The following PLXDC1 variants were observed in gnomAD, a reference collection of about 807,000 sequenced individuals.
PLXDC1 encodes the protein plexin domain-containing protein 1.
A neutral mutation model predicts 61.3 loss-of-function variants in PLXDC1; 39 were observed. That is an observed-to-expected ratio of 0.64 (90% CI 0.49 to 0.83). The LOEUF (loss-of-function observed/expected upper bound fraction) is 0.83. Among genes scored for constraint, PLXDC1 ranks in the 40% least tolerant of loss-of-function variants. The pLI, the probability that PLXDC1 is intolerant of heterozygous loss-of-function variation, is 0.00. For missense variants in PLXDC1, 596 were observed against 666.5 expected (o/e 0.89, Z 1.17); for synonymous variants, 212 against 254.5 (o/e 0.83, Z 1.59).
intron 2 of PLXDC1, among the ~76,000 whole-genome samples, chr17:39,135,805 C>T (rs1911732073): frequency 6.6e-6 from 1 of 152,136 alleles, no homozygotes; most frequent in Non-Finnish European, 1.5e-5. Context: ...TTCCCAAAAT[C>T]CATTGCCCCA....
intron 7 of PLXDC1, among the ~76,000 whole-genome samples, chr17:39,096,183 G>A (rs114686248): frequency 6.6e-6 from 1 of 152,340 alleles, no homozygotes; most frequent in African/African-American, 2.4e-5. Flanking sequence ...CTTGGCTCAT[G>A]TGATTATTCA....
chr17:39,137,773 G>A (rs997217896), intron 2 of PLXDC1, among the ~76,000 whole-genome samples: 17 of 152,006 alleles, frequency 1.1e-4, no homozygotes, highest in Admixed American at 6.6e-5. Context: ...TCCAACACAG[G>A]AGGGAGACAA....
In PLXDC1 at chr17:39,108,164, G is replaced by T; in HGVS notation, c.551C>A (p.Pro184His). Residue 184 changes from proline (P) to histidine (H), a missense_variant, in exon 5 of 14, where the codon CCT becomes CAT. Transcript: ENST00000315392. ...YVAPLMANFN[P>H]GYSDNSTVVY... is the part of the protein sequence containing the mutation. Reference sequence around the variant, plus strand: ...AACTGTGGAGTTGTCGGAGTAGCCAGGGTTGAAGTTGGCCATCAGGGGCGC... The same window carrying T: ...AACTGTGGAGTTGTCGGAGTAGCCATGGTTGAAGTTGGCCATCAGGGGCGC... 6.2e-7 allele frequency: 1 copy of T among 1,614,216 alleles called. No individual in the cohort carries two copies. The highest frequency in any genetic ancestry group is 8.5e-7 in the Non-Finnish European group (1 of 1,180,024).
intron 2 of PLXDC1, among the ~76,000 whole-genome samples, chr17:39,124,260 A>T (rs1274013155): frequency 6.6e-6 from 1 of 152,208 alleles, no homozygotes; most frequent in African/African-American, 2.4e-5. Context: ...TTCTGCATCA[A>T]CACGTCACTC....
rs147632698 is a variant in PLXDC1, at chr17:39,147,248, G to A, written c.76+4114C>T. On this transcript the variant is annotated intron_variant, in intron 1 of 13. Transcript: ENST00000315392. ...TGGGATTACAGGCGCGGGCCACCGC[G>A]CCCAGCCGAGGAACTGATTTAACAT... Among the ~76,000 whole-genome samples the A allele has an allele frequency of 5.4e-3, 812 of 151,458 alleles. 1 individual carries two copies. The highest frequency in any genetic ancestry group is 0.014 in the Middle Eastern group (4 of 282).
chr17:39,140,977 T>G (rs747159882), intron 1 of PLXDC1, among the ~76,000 whole-genome samples: 8 of 152,222 alleles, frequency 5.3e-5, no homozygotes, highest in Non-Finnish European at 1.2e-4. Flanking sequence ...TCTTTTCACC[T>G]TGTAAAACTA....
In PLXDC1 at chr17:39,067,761, C is replaced by T; in HGVS notation, c.*79G>A. On this transcript the variant is annotated 3_prime_UTR_variant, in exon 14 of 14. Coordinates refer to ENST00000315392, the MANE Select transcript of PLXDC1 (RefSeq NM_020405.5). ...CAGCCCAGGGCATGCTGGGAGAGGC[C>T]AGGAAAAGTCACTTCTCTTCTTTGC... The T allele has an allele frequency of 7.1e-7, 1 of 1,399,490 alleles. No individual in the cohort carries two copies. The highest frequency in any genetic ancestry group is 9.9e-7 in the Non-Finnish European group (1 of 1,012,310). The allele number at this position is 1,399,490 out of a possible 1,614,324, so 86.7% of individuals were successfully genotyped here.
intron 9 of PLXDC1, 178 bp from the exon 10 acceptor site, chr17:39,079,342 C>A: frequency 1.6e-6 from 1 of 632,154 alleles, no homozygotes; most frequent in South Asian, 1.5e-5. Context: ...TTTGTGGCAT[C>A]CCTGCCTTCC....
At chr17:39,148,761 A>G (rs1479620041) in intron 1 of PLXDC1, among the ~76,000 whole-genome samples, 1 of 152,016 alleles carries the variant, frequency 6.6e-6, no homozygotes, top group Non-Finnish European at 1.5e-5. Context: ...ATGGGGTCTC[A>G]CTATTTTGCC....
At position 39,127,906 on chromosome 17, in the gene PLXDC1, C is replaced by T. The variant is rs796397904; in HGVS notation, c.255+11748G>A. On this transcript the variant is annotated intron_variant, in intron 2 of 13. Coordinates refer to ENST00000315392, the MANE Select transcript of PLXDC1 (RefSeq NM_020405.5). ...CGAGGAGGTGGAGATCGCACCACTG[C>T]ACTCCAGCCTGGGTGACAGGGTGAG... Among the ~76,000 whole-genome samples the T allele has an allele frequency of 3.9e-5, 5 of 129,814 alleles. No individual in the cohort carries two copies. The East Asian group carries it at 1.1e-3, about 30-fold the overall frequency. The allele number at this position is 129,814 out of a possible 152,430, so 85.2% of individuals were successfully genotyped here. A position where few individuals can be genotyped will look rare whatever the true frequency, so the allele number is the denominator to read the frequency against.
chr17:39,104,466 C>T (rs186980351), intron 7 of PLXDC1, among the ~76,000 whole-genome samples: 1 of 152,248 alleles, frequency 6.6e-6, no homozygotes, highest in African/African-American at 2.4e-5. Context: ...CATTGTTCCC[C>T]AACCCTTAAC....
intron 2 of PLXDC1, among the ~76,000 whole-genome samples, chr17:39,128,115 G>GTATATATGTA (rs1911390925): frequency 2.9e-5 from 1 of 34,614 alleles, no homozygotes; most frequent in Non-Finnish European, 6.7e-5. Context: ...ATATATATAT[G>GTATATATGTA]TATATATATA....
rs1909636369 is a variant in PLXDC1, at chr17:39,083,503, G to A, written c.945C>T (p.Ser315=). The A allele has an allele frequency of 6.2e-7, 1 of 1,613,804 alleles. No individual in the cohort carries two copies. The highest frequency in any genetic ancestry group is 8.5e-7 in the Non-Finnish European group (1 of 1,179,862). ...LQHRSCDACM[S]SDLTFNCSWC... ...AGCTGCAGTTGAAGGTCAGGTCTGAGGACATGCAGGCGTCACAGCTCCTAT... is the reference window on the plus strand; with the variant it reads ...AGCTGCAGTTGAAGGTCAGGTCTGAAGACATGCAGGCGTCACAGCTCCTAT... Residue 315 remains serine (S), a synonymous_variant, in exon 9 of 14, where the codon TCC becomes TCT. Coordinates refer to ENST00000315392, the MANE Select transcript of PLXDC1 (RefSeq NM_020405.5).
chr17:39,122,814 G>A (rs1271836100), intron 2 of PLXDC1, among the ~76,000 whole-genome samples: 3 of 152,182 alleles, frequency 2.0e-5, no homozygotes, highest in Non-Finnish European at 4.4e-5. Flanking sequence ...CATTTGTTTT[G>A]GGAGGCAGTG....
At chr17:39,137,895 G>A (rs969251483) in intron 2 of PLXDC1, among the ~76,000 whole-genome samples, 2 of 151,936 alleles carry the variant, frequency 1.3e-5, no homozygotes, top group African/African-American at 2.4e-5. Context: ...TTTCTCGGGG[G>A]GATAAAGGAA....
At chr17:39,073,989 T>C (rs2091763) in intron 11 of PLXDC1, among the ~76,000 whole-genome samples, 41,075 of 152,032 alleles carry the variant, frequency 0.27, 6,377 homozygotes, top group East Asian at 0.43. Flanking sequence ...TGCTTTCTAC[T>C]TCTGCCTGCC....
chr17:39,149,139 C>G (rs546385321), intron 1 of PLXDC1, among the ~76,000 whole-genome samples: 25 of 152,294 alleles, frequency 1.6e-4, no homozygotes, highest in Admixed American at 1.1e-3. Context: ...ACTCATCTCT[C>G]TGCTGCTGCT....
chr17:39,105,936 C>CGGGACAGACATA lies in PLXDC1; in HGVS notation c.717_728dup (p.Met240_Pro243dup), dbSNP rs1910576417. On this transcript the variant is annotated inframe_insertion, in exon 7 of 14. Transcript: ENST00000315392. ...CAGGATGCTGGGAGGAGCTGATTTC[C>CGGGACAGACATA]GGGACAGACATAGGGATCTGCGGCA... 1 of 1,613,606 alleles carries CGGGACAGACATA rather than the reference C, an allele frequency of 6.2e-7. No homozygotes were observed. The highest frequency in any genetic ancestry group is 1.7e-5 in the Admixed American group (1 of 60,006).
At chr17:39,075,818 C>A (rs1183377532) in intron 11 of PLXDC1, among the ~76,000 whole-genome samples, 1 of 152,218 alleles carries the variant, frequency 6.6e-6, no homozygotes, top group Admixed American at 6.5e-5. Flanking sequence ...TGGCTCACGC[C>A]TGTAATCCTA....
Sources: allele counts gnomAD v4.1 joint callset (sites outside exome capture counted in the v4.1 genomes callset), GRCh38; gene constraint gnomAD v4.1.1; transcripts MANE v1.5; gene names NCBI Gene and HGNC (gene_info 2026-07-23, HGNC 2026-07-21).